The following SMYD3 variants were observed in gnomAD, a reference collection of about 807,000 sequenced individuals.
SMYD3 encodes the protein histone-lysine N-methyltransferase SMYD3.
Under a neutral mutation model 57.7 loss-of-function variants are expected in SMYD3, and 36 were observed. The observed-to-expected ratio is 0.62, with a 90% confidence interval of 0.48 to 0.82. SMYD3 has a LOEUF of 0.82. Ranked by LOEUF, SMYD3 falls within the 40% of genes least tolerant of loss-of-function variation. The probability of loss-of-function intolerance (pLI) is 0.00; values close to 1 mark genes in which losing one functional copy is unlikely to be tolerated. For synonymous variants in SMYD3, 211 were observed against 195.0 expected, an observed-to-expected ratio of 1.08 and a Z score of -0.68; for missense variants, 515 against 538.8, an observed-to-expected ratio of 0.96 and a Z score of 0.44.
chr1:245,929,742 T>C, intron 6 of SMYD3, 128 bp downstream of exon 6: 1 of 710,648 alleles, frequency 1.4e-6, no homozygotes, highest in South Asian at 1.6e-5. Context: ...TTGTAATTTA[T>C]TGCTAAGTTT....
intron 10 of SMYD3, among the ~76,000 whole-genome samples, chr1:245,788,280 AG>A (rs1347495895): frequency 1.3e-5 from 2 of 152,222 alleles, no homozygotes; most frequent in East Asian, 3.9e-4. Context: ...AATGGTGACC[AG>A]ATTAGCACAG....
intron 7 of SMYD3, among the ~76,000 whole-genome samples, chr1:245,922,114 T>C (rs1323697736): frequency 6.6e-6 from 1 of 152,246 alleles, no homozygotes; most frequent in Non-Finnish European, 1.5e-5. Flanking sequence ...GGGACTTTTA[T>C]AATGAATTTA....
At chr1:246,002,835 G>A (rs1189183802) in intron 5 of SMYD3, among the ~76,000 whole-genome samples, 2 of 151,436 alleles carry the variant, frequency 1.3e-5, no homozygotes, top group Non-Finnish European at 2.9e-5. Context: ...CCGCAGCCTC[G>A]ACCTCCTGGG....
chr1:246,506,896 C>A (rs981596360), intron 1 of SMYD3, among the ~76,000 whole-genome samples, 158 bp downstream of exon 1: 5 of 152,076 alleles, frequency 3.3e-5, no homozygotes, highest in African/African-American at 1.2e-4. Context: ...CAGCAGCGAC[C>A]CGCCCCCGGG....
intron 5 of SMYD3, among the ~76,000 whole-genome samples, chr1:246,286,182 T>A (rs2064559107): frequency 6.6e-6 from 1 of 152,196 alleles, no homozygotes; most frequent in African/African-American, 2.4e-5. Flanking sequence ...ACACTTGAGG[T>A]TTCTGATTCT....
At position 246,507,264 on chromosome 1, in the gene SMYD3, G is replaced by T. The variant is rs1281500087; in HGVS notation, c.-47C>A. The T allele has an allele frequency of 8.3e-6, 12 of 1,451,476 alleles. No homozygotes were observed. The highest frequency in any genetic ancestry group is 1.4e-5 in the South Asian group (1 of 72,284). 89.9% of individuals were successfully genotyped at this position (1,451,476 alleles called of 1,614,324 possible). A position where few individuals can be genotyped will look rare whatever the true frequency, so the allele number is the denominator to read the frequency against. ...CAGACGGCTACCCGCGTCCAGCAGC[G>T]GGCGTCTCACGGGCTGCCGGGACCC... On this transcript the variant is annotated 5_prime_UTR_variant, in exon 1 of 12. Coordinates refer to ENST00000490107, the MANE Select transcript of SMYD3 (RefSeq NM_001167740.2).
In SMYD3 at chr1:246,042,151, C is replaced by A. The variant is rs554935112; in HGVS notation, c.532-112214G>T. Among the ~76,000 whole-genome samples, 7 of 152,284 alleles carry A rather than the reference C, an allele frequency of 4.6e-5. No homozygotes were observed. The South Asian group carries it at 1.5e-3, about 32-fold the overall frequency. ...CAAGTTTTCTGTGTGTTCTGGAAGGCACAGCTACAAAGAAAAGCTAATATT... is the reference window on the plus strand; with the variant it reads ...CAAGTTTTCTGTGTGTTCTGGAAGGAACAGCTACAAAGAAAAGCTAATATT... On this transcript the variant is annotated intron_variant, in intron 5 of 11. Transcript: ENST00000490107.
At chr1:245,888,375 A>G (rs2053199437) in intron 8 of SMYD3, among the ~76,000 whole-genome samples, 1 of 152,244 alleles carries the variant, frequency 6.6e-6, no homozygotes, top group African/African-American at 2.4e-5. Context: ...TGATCTCTCA[A>G]GAAAAATAAT....
chr1:245,795,402 C>T (rs760464742), intron 10 of SMYD3, among the ~76,000 whole-genome samples: 1 of 152,200 alleles, frequency 6.6e-6, no homozygotes, highest in Non-Finnish European at 1.5e-5. Flanking sequence ...ACTCCACTTC[C>T]CATTTCACAG....
intron 5 of SMYD3, among the ~76,000 whole-genome samples, chr1:246,066,772 C>T (rs139874647): frequency 1.4e-3 from 218 of 152,254 alleles, no homozygotes; most frequent in African/African-American, 5.1e-3. Flanking sequence ...CAGGGTGGGC[C>T]GGGCAGACTA....
At chr1:245,907,074 C>G (rs9725614) in intron 8 of SMYD3, among the ~76,000 whole-genome samples, 117,796 of 152,126 alleles carry the variant, frequency 0.77, 50,525 homozygotes, top group Non-Finnish European at 0.95. Context: ...GCAAATCGTA[C>G]GTGGTTTACA....
At chr1:245,822,291 G>T (rs113921447) in intron 10 of SMYD3, among the ~76,000 whole-genome samples, 2 of 149,112 alleles carry the variant, frequency 1.3e-5, no homozygotes, top group African/African-American at 5.0e-5. Context: ...GTAAACTATC[G>T]CAAGAACAAA....
chr1:245,855,260 C>T (rs992396839), intron 10 of SMYD3, among the ~76,000 whole-genome samples: 7 of 151,980 alleles, frequency 4.6e-5, no homozygotes, highest in East Asian at 3.9e-4. Context: ...AATTAATATT[C>T]GACGCACAAA....
intron 10 of SMYD3, among the ~76,000 whole-genome samples, chr1:245,771,064 A>T (rs2046313533): frequency 6.6e-6 from 1 of 152,120 alleles, no homozygotes; most frequent in South Asian, 2.1e-4. Flanking sequence ...ACACACATAC[A>T]CACATATACA....
rs528680516 is a variant in SMYD3, at chr1:246,473,337, T to C, written c.164+33717A>G. ...TATTTAGAGTAAACCTGATTTATTA[T>C]GTTATTATTCATTTTATGTTATATA... On this transcript the variant is annotated intron_variant, in intron 1 of 11. Transcript: ENST00000490107. Among the ~76,000 whole-genome samples, 3 of 152,318 alleles carry C rather than the reference T, an allele frequency of 2.0e-5. No homozygotes were observed. In the South Asian group the frequency reaches 6.2e-4, roughly 32 times the overall value.
At chr1:246,083,427 C>T (rs922473023) in intron 5 of SMYD3, among the ~76,000 whole-genome samples, 2 of 151,876 alleles carry the variant, frequency 1.3e-5, no homozygotes, top group Non-Finnish European at 2.9e-5. Flanking sequence ...CCCACTATTA[C>T]CCTATTGTCC....
chr1:246,443,624 A>G (rs72760810), intron 1 of SMYD3, among the ~76,000 whole-genome samples: 8,539 of 152,266 alleles, frequency 0.056, 492 homozygotes, highest in Admixed American at 0.17. Flanking sequence ...GGCAGGGAAG[A>G]TGGGCACAGG....
At chr1:245,900,237 C>A (rs1343753) in intron 8 of SMYD3, among the ~76,000 whole-genome samples, 1 of 152,186 alleles carries the variant, frequency 6.6e-6, no homozygotes, top group East Asian at 1.9e-4. Context: ...TTTCTCTTGA[C>A]TTCCTCTTGC....
At chr1:245,789,795 G>C (rs933911725) in intron 10 of SMYD3, among the ~76,000 whole-genome samples, 6 of 152,226 alleles carry the variant, frequency 3.9e-5, no homozygotes, top group Non-Finnish European at 8.8e-5. Flanking sequence ...CTCAGGCTTT[G>C]TACTTTCTAG....
Sources: allele counts gnomAD v4.1 joint callset (sites outside exome capture counted in the v4.1 genomes callset), GRCh38; gene constraint gnomAD v4.1.1; transcripts MANE v1.5; gene names NCBI Gene and HGNC (gene_info 2026-07-23, HGNC 2026-07-21).